The following AHCYL2 variants were observed in gnomAD, a reference collection of about 807,000 sequenced individuals.
The protein encoded by AHCYL2 is adenosylhomocysteinase like 2, also known as S-adenosylhomocysteine hydrolase-like protein 2.
A neutral mutation model predicts 81.4 loss-of-function variants in AHCYL2; 28 were observed. The observed-to-expected ratio is 0.34, with a 90% confidence interval of 0.25 to 0.47. AHCYL2 has a LOEUF of 0.47. Ranked by LOEUF, AHCYL2 falls within the 20% of genes least tolerant of loss-of-function variation. The pLI is 1.00. For synonymous variants in AHCYL2, 272 were observed against 290.2 expected, an observed-to-expected ratio of 0.94 and a Z score of 0.64; for missense variants, 551 against 785.1, an observed-to-expected ratio of 0.70 and a Z score of 3.56.
Position 129,368,010 on chromosome 7 carries a change from T to C in AHCYL2, c.364-11628T>C. On this transcript the variant is annotated intron_variant, in intron 1 of 16. Transcript: ENST00000325006. This position sits in a 1 kb window ranked among gnomAD's most constrained non-coding sequence, Gnocchi z 4.4. The stretch of plus-strand genomic sequence containing the variant: ...TTTACTGATCCAAATCAAGCAACTC[T>C]TGAGAAATGGGAGTGCCTTCCTGAC... 2 of 737,526 alleles carry C rather than the reference T, an allele frequency of 2.7e-6. No individual in the cohort carries two copies. The highest frequency in any genetic ancestry group is 3.3e-6 in the Non-Finnish European group (2 of 603,380). 45.7% of individuals were successfully genotyped at this position (737,526 alleles called of 1,614,324 possible).
chr7:129,423,816 C>T (rs1797229411), intron 13 of AHCYL2, among the ~76,000 whole-genome samples: 1 of 152,080 alleles, frequency 6.6e-6, no homozygotes, highest in African/African-American at 2.4e-5. Flanking sequence ...TTTATCTCAT[C>T]TTCTCAGATA....
rs780776176 is a variant in AHCYL2, at chr7:129,326,324, C to G, written c.364-53314C>G. Among the ~76,000 whole-genome samples the G allele has an allele frequency of 3.9e-5, 6 of 151,932 alleles. No individual in the cohort carries two copies. In the East Asian group the frequency reaches 1.2e-3, roughly 29 times the overall value. ...AGTGGATCACCTGAGGTCAGGAGTT[C>G]GAGACCAGCCTGGCCAACATGGTAA... On this transcript the variant is annotated intron_variant, in intron 1 of 16. Transcript: ENST00000325006.
intron 1 of AHCYL2, among the ~76,000 whole-genome samples, chr7:129,374,631 AC>A (rs1321672118): frequency 6.6e-6 from 1 of 151,844 alleles, no homozygotes; most frequent in Non-Finnish European, 1.5e-5. Flanking sequence ...AAATGGTGAA[AC>A]CCCATGTTTA....
chr7:129,425,704 T>A (rs1277646073), intron 15 of AHCYL2, among the ~76,000 whole-genome samples: 1 of 152,256 alleles, frequency 6.6e-6, no homozygotes, highest in Non-Finnish European at 1.5e-5. Context: ...TGATACAGTG[T>A]GTTTATAAAC....
At chr7:129,414,401 G>A (rs557938865) in intron 12 of AHCYL2, among the ~76,000 whole-genome samples, 4 of 145,810 alleles carry the variant, frequency 2.7e-5, no homozygotes, top group African/African-American at 9.9e-5. Context: ...CCAAGTAATA[G>A]TTAATAGAAA....
At chr7:129,326,420 G>C (rs1361152203) in intron 1 of AHCYL2, among the ~76,000 whole-genome samples, 3 of 152,042 alleles carry the variant, frequency 2.0e-5, no homozygotes, top group Non-Finnish European at 4.4e-5. Flanking sequence ...CCAGCTACTT[G>C]GGAGGCAGAG....
chr7:129,253,478 T>C (rs2703097), intron 1 of AHCYL2, among the ~76,000 whole-genome samples: 19,214 of 152,254 alleles, frequency 0.13, 1,568 homozygotes, highest in African/African-American at 0.24. Flanking sequence ...TAAATGACGT[T>C]GAGCACTATA....
At chr7:129,323,766 C>G (rs945786605) in intron 1 of AHCYL2, among the ~76,000 whole-genome samples, 4 of 151,968 alleles carry the variant, frequency 2.6e-5, no homozygotes, top group Non-Finnish European at 5.9e-5. Flanking sequence ...GGATTATGTC[C>G]TCTTGATGAA....
chr7:129,265,474 A>G (rs1360229012), intron 1 of AHCYL2, among the ~76,000 whole-genome samples: 2 of 152,032 alleles, frequency 1.3e-5, no homozygotes, highest in African/African-American at 2.4e-5. Flanking sequence ...ATTATAAGAG[A>G]GTGAAGTAGT....
intron 1 of AHCYL2, among the ~76,000 whole-genome samples, chr7:129,355,936 G>C (rs1168701154): frequency 6.6e-6 from 1 of 152,150 alleles, no homozygotes; most frequent in Non-Finnish European, 1.5e-5. Context: ...TGGCAGAAAA[G>C]TACCAGGTAG....
intron 11 of AHCYL2, chr7:129,410,482 C>T: frequency 2.7e-6 from 3 of 1,095,604 alleles, no homozygotes; most frequent in Non-Finnish European, 2.8e-6. Flanking sequence ...ACAAACACTT[C>T]TTGTGTTCCA....
intron 1 of AHCYL2, among the ~76,000 whole-genome samples, chr7:129,245,002 A>G (rs533592760): frequency 3.6e-4 from 54 of 151,434 alleles, no homozygotes; most frequent in African/African-American, 1.0e-3. Flanking sequence ...TTACAATTCA[A>G]TGATATATAT....
At chr7:129,288,456 G>A (rs1563182150) in intron 1 of AHCYL2, among the ~76,000 whole-genome samples, 1 of 152,124 alleles carries the variant, frequency 6.6e-6, no homozygotes, top group Non-Finnish European at 1.5e-5. Context: ...CACCTTCTGG[G>A]TTCAAGCGAT....
In AHCYL2 at chr7:129,426,226, GTAAGGATGAATTAT is replaced by G. The variant is rs1797359339; in HGVS notation, c.1709-211_1709-198del. ...GAAGGCAGGGTTCAAAGCTGAGTTA[GTAAGGATGAATTAT>G]TAAGGCTTTGGAAAGCACTGGGCTT... is the stretch of plus-strand genomic sequence containing the variant. On this transcript the variant is annotated intron_variant, in intron 15 of 16. Transcript: ENST00000325006. This position sits in a 1 kb window ranked among gnomAD's most constrained non-coding sequence, Gnocchi z 4.3. Among the ~76,000 whole-genome samples the G allele has an allele frequency of 6.6e-6, 1 of 152,198 alleles. No individual in the cohort carries two copies. Among genetic ancestry groups the G allele is most frequent in the Non-Finnish European group, 1.5e-5 (1 of 68,032 alleles).
intron 1 of AHCYL2, among the ~76,000 whole-genome samples, chr7:129,297,501 T>G (rs946614529): frequency 7.9e-5 from 12 of 152,172 alleles, no homozygotes; most frequent in Non-Finnish European, 1.8e-4. Flanking sequence ...TAGAATGCCT[T>G]TGCTTGAGAC....
intron 1 of AHCYL2, among the ~76,000 whole-genome samples, chr7:129,371,826 T>C (rs535937629): frequency 7.2e-5 from 11 of 152,350 alleles, no homozygotes; most frequent in Admixed American, 3.3e-4. Context: ...CGATATTCTT[T>C]TGGCAAGAAG....
chr7:129,290,114 G>A (rs1563182837), intron 1 of AHCYL2, among the ~76,000 whole-genome samples: 1 of 152,080 alleles, frequency 6.6e-6, no homozygotes, highest in East Asian at 1.9e-4. Flanking sequence ...TTGATGATGA[G>A]GACGTGTCTT....
intron 1 of AHCYL2, among the ~76,000 whole-genome samples, chr7:129,285,556 GGAACTTAGGTT>G (rs1334274415): frequency 3.9e-5 from 6 of 152,094 alleles, no homozygotes; most frequent in Non-Finnish European, 8.8e-5. Context: ...TACAAAAAAA[GGAACTTAGGTT>G]GAACTTACTG....
chr7:129,360,352 G>A (rs914267585), intron 1 of AHCYL2, among the ~76,000 whole-genome samples: 5 of 152,144 alleles, frequency 3.3e-5, no homozygotes, highest in Admixed American at 3.3e-4. Flanking sequence ...CCGACCTCAG[G>A]TGATCTGCCT....
Sources: gnomAD v4.1 joint callset for allele counts (sites outside exome capture counted in the v4.1 genomes callset) on GRCh38, gnomAD v4.1.1 for gene constraint, Gnocchi (gnomAD v3.1) non-coding constraint, MANE v1.5 for transcripts, NCBI Gene and HGNC (gene_info 2026-07-23, HGNC 2026-07-21) for gene names.